Variants in OSGIN2 observed in about 807,000 individuals in gnomAD.
OSGIN2 encodes oxidative stress induced growth inhibitor family member 2.
A neutral mutation model predicts 53.8 loss-of-function variants in OSGIN2; 19 were observed. The observed-to-expected ratio is 0.35, with a 90% CI of 0.25 to 0.52. The LOEUF is 0.52. Ranked by LOEUF, OSGIN2 falls within the 20% of genes least tolerant of loss-of-function variation. The pLI is 0.95. For missense variants in OSGIN2, 520 were observed against 662.7 expected (o/e 0.78, Z 2.36); for synonymous variants, 236 against 236.0 (o/e 1.00, Z 0.00).
In OSGIN2 at chr8:89,927,853, A is replaced by C. The variant is rs1644970511; in HGVS notation, c.*2321A>C. 1 of 152,242 alleles carries C rather than the reference A, an allele frequency of 6.6e-6. No homozygotes were observed. Among genetic ancestry groups the C allele is most frequent in the Non-Finnish European group, 1.5e-5 (1 of 68,038 alleles). 9.4% of individuals were successfully genotyped at this position (152,242 alleles called of 1,614,324 possible). On this transcript the variant is annotated 3_prime_UTR_variant, in exon 6 of 6. Coordinates refer to ENST00000451899, the MANE Select transcript of OSGIN2 (RefSeq NM_001126111.3). ...AGGAAGTGGTGGAAAATTTCTAAATAAATTCAACTATTAAATAAATGCAAG... is the reference window on the plus strand; with the variant it reads ...AGGAAGTGGTGGAAAATTTCTAAATCAATTCAACTATTAAATAAATGCAAG...
intron 1 of OSGIN2, among the ~76,000 whole-genome samples, chr8:89,904,970 C>T (rs1808804170): frequency 6.6e-6 from 1 of 152,176 alleles, no homozygotes; most frequent in African/African-American, 2.4e-5. Context: ...GTGTGACTGA[C>T]TTCATTTGTG....
intron 2 of OSGIN2, among the ~76,000 whole-genome samples, chr8:89,911,903 A>T (rs1358708519): frequency 6.6e-6 from 1 of 151,704 alleles, no homozygotes; most frequent in Non-Finnish European, 1.5e-5. Flanking sequence ...GCACCACTGT[A>T]CTCCAGCTTG....
rs942722515 is a variant in OSGIN2 at position 89,925,590 on chromosome 8, T to C, written c.*58T>C. ...TGCCATTAAAGATTTTTAATAGTGG[T>C]TTTGCAGTGTACTGGCTTGAATTTT... is the stretch of plus-strand genomic sequence containing the variant. On this transcript the variant is annotated 3_prime_UTR_variant, in exon 6 of 6. Transcript: ENST00000451899. 1.5e-6 allele frequency: 2 copies of C among 1,377,122 alleles called. No homozygotes were observed. The highest frequency in any genetic ancestry group is 1.4e-5 in the African/African-American group (1 of 69,018). 85.3% of individuals were successfully genotyped at this position (1,377,122 alleles called of 1,614,324 possible).
At chr8:89,909,525 T>A in intron 1 of OSGIN2, 42 bp from the exon 2 acceptor site, 1 of 1,118,856 alleles carries the variant, frequency 8.9e-7, no homozygotes, top group Non-Finnish European at 1.2e-6. Context: ...AAAGGCTATA[T>A]TGACTATATC....
At chr8:89,905,040 C>T (rs1808806216) in intron 1 of OSGIN2, among the ~76,000 whole-genome samples, 1 of 152,112 alleles carries the variant, frequency 6.6e-6, no homozygotes, top group Non-Finnish European at 1.5e-5. Context: ...GTTCATGGTT[C>T]CAAAGACTAT....
At chr8:89,924,245 C>G (rs11992886) in intron 5 of OSGIN2, among the ~76,000 whole-genome samples, 14,265 of 152,144 alleles carry the variant, frequency 0.094, 2,109 homozygotes, top group African/African-American at 0.32. Context: ...TGAGCAGACA[C>G]TATGCATGGC....
At chr8:89,922,973 G>A (rs531224944) in intron 5 of OSGIN2, among the ~76,000 whole-genome samples, 61 of 152,092 alleles carry the variant, frequency 4.0e-4, no homozygotes, top group African/African-American at 1.4e-3. Flanking sequence ...GTAAAAATAC[G>A]ATATAAAAGA....
chr8:89,909,507 A>AT (rs1808922101), intron 1 of OSGIN2, 60 bp from the exon 2 acceptor site: 1 of 895,902 alleles, frequency 1.1e-6, no homozygotes, highest in East Asian at 3.0e-5. Flanking sequence ...GTAGAGATTG[A>AT]TTTTTATAAA....
At chr8:89,917,867 T>G (rs1357932941) in intron 4 of OSGIN2, among the ~76,000 whole-genome samples, 2 of 152,160 alleles carry the variant, frequency 1.3e-5, no homozygotes, top group African/African-American at 4.8e-5. Flanking sequence ...CCCAAGAACA[T>G]TATTTATTTG....
intron 1 of OSGIN2, among the ~76,000 whole-genome samples, chr8:89,905,418 T>C (rs1354033567): frequency 3.3e-5 from 5 of 152,226 alleles, no homozygotes; most frequent in African/African-American, 1.2e-4. Flanking sequence ...AGAACAAATA[T>C]CAAATTGGAA....
chr8:89,902,896 T>G, intron 1 of OSGIN2, 59 bp downstream of exon 1: 1 of 1,237,642 alleles, frequency 8.1e-7, no homozygotes, highest in East Asian at 3.1e-5. Flanking sequence ...TCTCGAGCTT[T>G]TTGGCCTGGC....
intron 4 of OSGIN2, among the ~76,000 whole-genome samples, chr8:89,918,347 G>A (rs1353278195): frequency 6.6e-6 from 1 of 151,982 alleles, no homozygotes; most frequent in Admixed American, 6.6e-5. Context: ...GTCATGCAGG[G>A]TGGAGTGCAG....
chr8:89,921,791 G>T (rs1458092539), intron 5 of OSGIN2, among the ~76,000 whole-genome samples: 2 of 152,156 alleles, frequency 1.3e-5, no homozygotes, highest in Non-Finnish European at 2.9e-5. Context: ...AGGCCAGCTT[G>T]ACCAACATGG....
In OSGIN2 at chr8:89,926,795, T is replaced by C. The variant is rs1045337432; in HGVS notation, c.*1263T>C. On this transcript the variant is annotated 3_prime_UTR_variant, in exon 6 of 6. Coordinates refer to ENST00000451899, the MANE Select transcript of OSGIN2 (RefSeq NM_001126111.3). ...AATTACTTCATCTGGAATGTCTTCATTGAACTCGTTATTCTATTTTTCTTA... is the reference window on the plus strand; with the variant it reads ...AATTACTTCATCTGGAATGTCTTCACTGAACTCGTTATTCTATTTTTCTTA... The C allele has an allele frequency of 6.6e-6, 1 of 152,214 alleles. No individual in the cohort carries two copies. Among genetic ancestry groups the C allele is most frequent in the Non-Finnish European group, 1.5e-5 (1 of 68,010 alleles). The allele number at this position is 152,214 out of a possible 1,614,324, so 9.4% of individuals were successfully genotyped here.
intron 5 of OSGIN2, among the ~76,000 whole-genome samples, chr8:89,922,534 A>G (rs1431488717): frequency 2.0e-5 from 3 of 152,212 alleles, no homozygotes; most frequent in South Asian, 2.1e-4. Flanking sequence ...TGTTGAAGTA[A>G]TATGTGCAAA....
chr8:89,909,595 G>A lies in OSGIN2; in HGVS notation c.73G>A (p.Glu25Lys). ...RNYSDTETEGEIFNSLVQYFG... is the reference protein window; with the variant it reads ...RNYSDTETEGKIFNSLVQYFG... The stretch of plus-strand genomic sequence containing the variant: ...CTATAGTGACACTGAAACTGAAGGA[G>A]AGATTTTTAATTCCTTAGTGCAATA... The change falls in exon 2 of 6, where the codon GAG becomes AAG. Residue 25 changes from glutamate to lysine, a missense_variant. Glu to Lys is a moderately conservative substitution (Grantham distance 56). Coordinates refer to ENST00000451899, the MANE Select transcript of OSGIN2 (RefSeq NM_001126111.3). 6.3e-7 allele frequency: 1 copy of A among 1,578,708 alleles called. No individual in the cohort carries two copies. The highest frequency in any genetic ancestry group is 8.6e-7 in the Non-Finnish European group (1 of 1,159,418).
rs1336467381 is a variant in OSGIN2 at position 89,902,827 on chromosome 8, G to C, written c.34G>C (p.Gly12Arg). 48 of 1,377,354 alleles carry C rather than the reference G, an allele frequency of 3.5e-5. No homozygotes were observed. The highest frequency in any genetic ancestry group is 4.3e-5 in the Non-Finnish European group (45 of 1,045,686). 85.3% of individuals were successfully genotyped at this position (1,377,354 alleles called of 1,614,324 possible). Reference protein sequence around the residue: ...PVWCCRCSLAGHFRNYSDTET... With the variant: ...PVWCCRCSLARHFRNYSDTET... ...GTGGTGCTGCCGCTGCTCCCTGGCC[G>C]GTCATTTCAGGTGACTTCCTCGCCG... The change falls in exon 1 of 6, where the codon GGT becomes CGT. Residue 12 changes from glycine to arginine, a missense_variant. Transcript: ENST00000451899.
In OSGIN2 at chr8:89,924,857, G is replaced by T; in HGVS notation, c.975G>T (p.Val325=). 1 of 1,614,124 alleles carries T rather than the reference G, an allele frequency of 6.2e-7. No homozygotes were observed. ...TTGAAGGGGAAGATTTTCCTTTTGT[G>T]TTTCATTCAATGCCTGAATTTGGAG... The part of the protein sequence containing the change: ...LEIEGEDFPF[V]FHSMPEFGAA... The change falls in exon 6 of 6, where the codon GTG becomes GTT. Residue 325 remains valine (V), a synonymous_variant. Transcript: ENST00000451899.
intron 5 of OSGIN2, 103 bp from the exon 6 acceptor site, chr8:89,924,400 C>T: frequency 1.2e-6 from 1 of 806,710 alleles, no homozygotes; most frequent in Non-Finnish European, 2.0e-6. Flanking sequence ...TAAGACAGTC[C>T]AGCAGAATTA....
Sources: allele counts gnomAD v4.1 joint callset (sites outside exome capture counted in the v4.1 genomes callset), GRCh38; gene constraint gnomAD v4.1.1; transcripts MANE v1.5; gene names NCBI Gene and HGNC (gene_info 2026-07-23, HGNC 2026-07-21).